Variants in SLC35G2 observed in about 807,000 individuals in gnomAD.
The protein encoded by SLC35G2 is transmembrane protein 22.
A neutral mutation model predicts 27.2 loss-of-function variants in SLC35G2; 20 were observed. The observed-to-expected ratio is 0.74, with a 90% CI of 0.52 to 1.07. The LOEUF (loss-of-function observed/expected upper bound fraction) is 1.07, where lower values mean the gene tolerates loss of function less well. Among genes scored for constraint, SLC35G2 ranks in the 50% least tolerant of loss-of-function variants. SLC35G2 has a pLI of 0.00. For missense variants in SLC35G2, 416 were observed against 493.3 expected, an observed-to-expected ratio of 0.84 and a Z score of 1.48; for synonymous variants, 148 against 165.3, an observed-to-expected ratio of 0.90 and a Z score of 0.80.
intron 1 of SLC35G2, among the ~76,000 whole-genome samples, chr3:136,845,725 A>AGGT: frequency 6.6e-6 from 1 of 151,310 alleles, no homozygotes; most frequent in Non-Finnish European, 1.5e-5. Context: ...CCTTCCAATT[A>AGGT]GGTGGGACTA....
chr3:136,839,506 A>G (rs1022386770), intron 1 of SLC35G2, among the ~76,000 whole-genome samples: 8 of 152,026 alleles, frequency 5.3e-5, no homozygotes, highest in African/African-American at 1.2e-4. Context: ...TCCTAAAGTC[A>G]TGAACCTTGA....
At chr3:136,843,353 C>CAAAAAAAAA in intron 1 of SLC35G2, 1 of 98,664 alleles carries the variant, frequency 1.0e-5, no homozygotes, top group African/African-American at 3.7e-5. Context: ...AAAAAAAAAT[C>CAAAAAAAAA]AGGGTTCTGG....
At chr3:136,822,130 T>C (rs1936472750) in intron 1 of SLC35G2, among the ~76,000 whole-genome samples, 1 of 152,224 alleles carries the variant, frequency 6.6e-6, no homozygotes, top group Non-Finnish European at 1.5e-5. Context: ...TGTACTCTTC[T>C]AATGATTTTA....
At chr3:136,840,985 T>C (rs1370139309) in intron 1 of SLC35G2, among the ~76,000 whole-genome samples, 2 of 145,454 alleles carry the variant, frequency 1.4e-5, no homozygotes, top group East Asian at 2.0e-4. Flanking sequence ...GGCTGGAGTA[T>C]AGTGATGCGA....
intron 1 of SLC35G2, chr3:136,838,831 T>G (rs1164043341): frequency 1.3e-5 from 2 of 152,240 alleles, no homozygotes; most frequent in Non-Finnish European, 2.9e-5. Context: ...TAAACTCAGC[T>G]GGGCTGCTCT....
chr3:136,830,935 A>T (rs1401424199), intron 1 of SLC35G2, among the ~76,000 whole-genome samples: 1 of 152,194 alleles, frequency 6.6e-6, no homozygotes, highest in Non-Finnish European at 1.5e-5. Flanking sequence ...CATCTTTACT[A>T]AATTTTGTTT....
intron 1 of SLC35G2, among the ~76,000 whole-genome samples, chr3:136,831,397 T>A (rs1027424500): frequency 6.6e-6 from 1 of 152,198 alleles, no homozygotes; most frequent in Non-Finnish European, 1.5e-5. Flanking sequence ...CAGCATTTGT[T>A]GAGTCTTACA....
chr3:136,825,643 C>T (rs557840838), intron 1 of SLC35G2, among the ~76,000 whole-genome samples: 1 of 152,290 alleles, frequency 6.6e-6, no homozygotes, highest in East Asian at 1.9e-4. Flanking sequence ...GCTTTCTCAG[C>T]ATTAATTGAA....
At position 136,837,014 on chromosome 3, in the gene SLC35G2, T is replaced by TA. The variant is rs1391201751; in HGVS notation, c.-19+17389dup. 3.3e-5 allele frequency among the ~76,000 whole-genome samples: 5 copies of TA among 152,292 alleles called. No individual in the cohort carries two copies. The East Asian group carries it at 7.7e-4, about 24-fold the overall frequency. On this transcript the variant is annotated intron_variant, in intron 1 of 1. Transcript: ENST00000446465. Reference sequence around the variant, plus strand: ...CAGGTCAGATTTTTCCAAATTAACATAAAGATTTATGGGGTGGTAACTTAT... The same window carrying TA: ...CAGGTCAGATTTTTCCAAATTAACATAAAAGATTTATGGGGTGGTAACTTAT...
intron 1 of SLC35G2, among the ~76,000 whole-genome samples, chr3:136,850,130 C>T (rs1937578404): frequency 6.6e-6 from 1 of 152,076 alleles, no homozygotes; most frequent in South Asian, 2.1e-4. Context: ...TAACTAAAAA[C>T]AAACAAAAGC....
intron 1 of SLC35G2, among the ~76,000 whole-genome samples, chr3:136,844,797 C>CA (rs58243269): frequency 0.19 from 6,642 of 35,160 alleles, 728 homozygotes; most frequent in Non-Finnish European, 0.28. Flanking sequence ...CTCTCTGTCT[C>CA]AAAAAAAAAA....
At chr3:136,820,156 G>A (rs1936412504) in intron 1 of SLC35G2, 1 of 152,280 alleles carries the variant, frequency 6.6e-6, no homozygotes, top group Non-Finnish European at 1.5e-5. Context: ...TCCGAGTGTT[G>A]ATCGAGGACC....
intron 1 of SLC35G2, among the ~76,000 whole-genome samples, chr3:136,851,328 AC>A (rs977237359): frequency 1.3e-5 from 2 of 151,448 alleles, no homozygotes; most frequent in African/African-American, 4.8e-5. Context: ...CCCTGTCTCC[AC>A]TAAAAAAAAT....
chr3:136,849,660 T>G (rs1937555160), intron 1 of SLC35G2, among the ~76,000 whole-genome samples: 1 of 151,740 alleles, frequency 6.6e-6, no homozygotes. Flanking sequence ...CCCAACTAAT[T>G]TTCTGTATTT....
chr3:136,854,363 G>T, intron 1 of SLC35G2, 80 bp from the exon 2 acceptor site: 1 of 902,566 alleles, frequency 1.1e-6, no homozygotes, highest in Non-Finnish European at 1.7e-6. Context: ...TTCTATCATT[G>T]AATTGATGCA....
chr3:136,841,775 A>G, intron 1 of SLC35G2: 1 of 142,586 alleles, frequency 7.0e-6, no homozygotes, highest in East Asian at 2.1e-4. Flanking sequence ...AAATAAATAA[A>G]TATCAGAGTC....
At chr3:136,830,737 T>C (rs1936710686) in intron 1 of SLC35G2, among the ~76,000 whole-genome samples, 1 of 152,204 alleles carries the variant, frequency 6.6e-6, no homozygotes, top group Admixed American at 6.5e-5. Flanking sequence ...TTTATTCTTT[T>C]TTCTTTTTGC....
Position 136,855,436 on chromosome 3 carries a change from G to A in SLC35G2, c.976G>A (p.Val326Ile). The change falls in exon 2 of 2, where the codon GTC (valine) becomes ATC (isoleucine). Residue 326 changes from valine to isoleucine, a missense_variant. By Grantham distance (29) the Val-to-Ile change is conservative. Coordinates refer to ENST00000446465, the MANE Select transcript of SLC35G2 (RefSeq NM_025246.3). ...ETWSYLIAIC[V>I]CSTAAFLGVY... is the part of the protein sequence containing the mutation. Reference sequence around the variant, plus strand: ...CTGGAGTTATCTCATTGCTATATGTGTCTGTTCTACTGCAGCATTCTTAGG... The same window carrying A: ...CTGGAGTTATCTCATTGCTATATGTATCTGTTCTACTGCAGCATTCTTAGG... 1.2e-6 allele frequency: 2 copies of A among 1,614,172 alleles called. No individual in the cohort carries two copies. Among genetic ancestry groups the A allele is most frequent in the Non-Finnish European group, 1.7e-6 (2 of 1,180,020 alleles).
At chr3:136,850,693 TAA>T (rs112737116) in intron 1 of SLC35G2, among the ~76,000 whole-genome samples, 2 of 146,638 alleles carry the variant, frequency 1.4e-5, no homozygotes. Context: ...GTTGTTGAAT[TAA>T]AAAAAAAAAA....
Sources: gnomAD v4.1 joint callset for allele counts (sites outside exome capture counted in the v4.1 genomes callset) on GRCh38, gnomAD v4.1.1 for gene constraint, MANE v1.5 for transcripts, NCBI Gene and HGNC (gene_info 2026-07-23, HGNC 2026-07-21) for gene names.